The following ALDH1A2 variants were observed in gnomAD, a reference collection of about 807,000 sequenced individuals.
ALDH1A2 encodes the protein aldehyde dehydrogenase 1 family member A2.
Under a neutral mutation model 60.3 loss-of-function variants are expected in ALDH1A2, and 27 were observed. The observed-to-expected ratio is 0.45, with a 90% confidence interval of 0.33 to 0.62. The LOEUF is 0.62. Ranked by LOEUF, ALDH1A2 falls within the 20% of genes least tolerant of loss-of-function variation. ALDH1A2 has a pLI of 0.02. For missense variants in ALDH1A2, 581 were observed against 643.8 expected, an observed-to-expected ratio of 0.90 and a Z score of 1.06; for synonymous variants, 289 against 232.4, an observed-to-expected ratio of 1.24 and a Z score of -2.21.
Position 58,065,548 on chromosome 15 carries a change from T to C in ALDH1A2, c.103A>G (p.Ile35Val). 1 of 1,613,630 alleles carries C rather than the reference T, an allele frequency of 6.2e-7. No homozygotes were observed. The highest frequency in any genetic ancestry group is 2.2e-5 in the East Asian group (1 of 44,824). ...CGGCCGCTTACCTTGGTGTACTTAA[T>C]TTCGAGATTGGGCGTGGGCGACGGC... The part of the protein sequence containing the change: ...LLPSPTPNLE[I>V]KYTKIFINNE... The change falls in exon 1 of 13, where the codon ATT becomes GTT. Residue 35 changes from isoleucine (I) to valine (V), a missense_variant. By Grantham distance (29) the Ile-to-Val change is conservative (BLOSUM62 3). This residue lies in a region of ALDH1A2 where 206 missense variants were observed against 174.1 expected (regional missense o/e 1.18). Coordinates refer to ENST00000249750, the MANE Select transcript of ALDH1A2 (RefSeq NM_003888.4).
chr15:57,993,628 T>C (rs1894964574), intron 5 of ALDH1A2, among the ~76,000 whole-genome samples: 1 of 152,206 alleles, frequency 6.6e-6, no homozygotes, highest in Non-Finnish European at 1.5e-5. Flanking sequence ...AAAATTTTCA[T>C]TTGTCTCTTT....
intron 1 of ALDH1A2, among the ~76,000 whole-genome samples, chr15:58,052,504 C>T (rs1896800713): frequency 1.3e-5 from 2 of 151,944 alleles, no homozygotes; most frequent in African/African-American, 2.4e-5. Context: ...CTTGCTCTGT[C>T]GCCCAGGCTG....
chr15:57,974,948 T>C (rs1413220504), intron 7 of ALDH1A2, among the ~76,000 whole-genome samples: 1 of 152,252 alleles, frequency 6.6e-6, no homozygotes, highest in Non-Finnish European at 1.5e-5. Flanking sequence ...GAAGATATGC[T>C]GTGGCAAATA....
chr15:58,061,652 G>A (rs1377163375), intron 1 of ALDH1A2, among the ~76,000 whole-genome samples: 3 of 106,458 alleles, frequency 2.8e-5, no homozygotes, highest in African/African-American at 3.1e-5. Flanking sequence ...AAAAAACAAC[G>A]TGCCACAGAC....
At chr15:58,043,700 A>G (rs1374544824) in intron 1 of ALDH1A2, among the ~76,000 whole-genome samples, 1 of 152,044 alleles carries the variant, frequency 6.6e-6, no homozygotes, top group East Asian at 1.9e-4. Context: ...AGTCATCACC[A>G]AGAACAGCTG....
chr15:57,963,877 T>A lies in ALDH1A2; in HGVS notation c.1086+8A>T. The A allele has an allele frequency of 6.2e-7, 1 of 1,614,058 alleles. No individual in the cohort carries two copies. Among genetic ancestry groups the A allele is most frequent in the Middle Eastern group, 1.7e-4 (1 of 6,060 alleles). On this transcript the variant is annotated splice_region_variant and intron_variant, in intron 9 of 12. Transcript: ENST00000249750. Reference sequence around the variant, plus strand: ...AGTAAACAAAGGGAATGGTTATGATTTTTCTACCTGGGGACCCTGCTCAGT... The same window carrying A: ...AGTAAACAAAGGGAATGGTTATGATATTTCTACCTGGGGACCCTGCTCAGT...
intron 4 of ALDH1A2, among the ~76,000 whole-genome samples, chr15:57,995,616 A>G (rs774738346): frequency 1.1e-4 from 16 of 152,132 alleles, no homozygotes; most frequent in Admixed American, 6.6e-4. Flanking sequence ...AGTAAAAGAT[A>G]TATTTCATAA....
intron 4 of ALDH1A2, among the ~76,000 whole-genome samples, chr15:57,999,519 A>C (rs1195246820): frequency 1.3e-5 from 2 of 152,110 alleles, no homozygotes; most frequent in African/African-American, 4.8e-5. Context: ...AAGGGCAATT[A>C]TTAAAAAGTC....
chr15:58,027,782 T>G (rs1475520561), intron 1 of ALDH1A2, among the ~76,000 whole-genome samples: 1 of 151,948 alleles, frequency 6.6e-6, no homozygotes, highest in Non-Finnish European at 1.5e-5. Flanking sequence ...TTCAATCAAG[T>G]AGAAGAAAGG....
At chr15:57,992,252 C>A (rs1281275225) in intron 7 of ALDH1A2, among the ~76,000 whole-genome samples, 2 of 152,092 alleles carry the variant, frequency 1.3e-5, no homozygotes, top group Non-Finnish European at 2.9e-5. Context: ...TAGCCCTATA[C>A]AGAAAAAAAA....
intron 3 of ALDH1A2, among the ~76,000 whole-genome samples, chr15:58,011,588 A>G (rs761994081): frequency 6.6e-6 from 1 of 152,180 alleles, no homozygotes; most frequent in Non-Finnish European, 1.5e-5. Flanking sequence ...TTTTTTTCCT[A>G]CAAGTGTATT....
intron 12 of ALDH1A2, among the ~76,000 whole-genome samples, chr15:57,957,139 G>C (rs536981501): frequency 2.0e-5 from 3 of 151,910 alleles, no homozygotes; most frequent in Admixed American, 6.5e-5. Flanking sequence ...AGGCATGGAG[G>C]AGATAAAGAG....
At chr15:57,985,108 T>C (rs575514538) in intron 7 of ALDH1A2, among the ~76,000 whole-genome samples, 1 of 152,364 alleles carries the variant, frequency 6.6e-6, no homozygotes, top group East Asian at 1.9e-4. Context: ...TGGTATCTTC[T>C]ACATGTTGGC....
At chr15:58,016,478 TTA>T (rs1396972260) in intron 1 of ALDH1A2, among the ~76,000 whole-genome samples, 1 of 152,150 alleles carries the variant, frequency 6.6e-6, no homozygotes, top group Non-Finnish European at 1.5e-5. Context: ...GCAGTTTTAA[TTA>T]TTTGTAAAGA....
At chr15:58,061,172 C>A (rs899594805) in intron 1 of ALDH1A2, among the ~76,000 whole-genome samples, 1 of 151,998 alleles carries the variant, frequency 6.6e-6, no homozygotes, top group Admixed American at 6.6e-5. Flanking sequence ...GGGCAGGACC[C>A]CAGGAGAATT....
At chr15:57,962,296 T>G in intron 9 of ALDH1A2, 120 bp from the exon 10 acceptor site, 1 of 1,290,156 alleles carries the variant, frequency 7.8e-7, no homozygotes, top group Non-Finnish European at 1.1e-6. Flanking sequence ...CCCAGTCAGA[T>G]CATATAAAAC....
chr15:58,051,708 T>A (rs1461347300), intron 1 of ALDH1A2, among the ~76,000 whole-genome samples: 1 of 152,148 alleles, frequency 6.6e-6, no homozygotes, highest in African/African-American at 2.4e-5. Flanking sequence ...GCAGAATTCT[T>A]ACCTTCCTAC....
intron 7 of ALDH1A2, among the ~76,000 whole-genome samples, chr15:57,969,370 A>G (rs547290357): frequency 1.1e-3 from 165 of 152,356 alleles, no homozygotes; most frequent in African/African-American, 3.8e-3. Context: ...ATTAAATTAC[A>G]GTTCCTCAGT....
chr15:57,970,683 A>G (rs1894033795), intron 7 of ALDH1A2, among the ~76,000 whole-genome samples: 1 of 152,142 alleles, frequency 6.6e-6, no homozygotes, highest in Admixed American at 6.5e-5. Context: ...ACTCAGAGCT[A>G]TTTTATTACA....
Sources: allele counts gnomAD v4.1 joint callset (sites outside exome capture counted in the v4.1 genomes callset), GRCh38; gene constraint gnomAD v4.1.1; regional missense constraint gnomAD v4.1.1; transcripts MANE v1.5; gene names NCBI Gene and HGNC (gene_info 2026-07-23, HGNC 2026-07-21).